DPP10: variants seen among roughly 807,000 people sequenced by gnomAD.
DPP10 encodes dipeptidyl peptidase like 10.
Under a neutral mutation model 120.9 loss-of-function variants are expected in DPP10, and 33 were observed. The observed-to-expected ratio is 0.27, with a 90% CI of 0.21 to 0.37. DPP10 has a LOEUF of 0.37. Among genes scored for constraint, DPP10 ranks in the 10% least tolerant of loss-of-function variants. The probability of loss-of-function intolerance (pLI) is 1.00; values close to 1 mark genes in which losing one functional copy is unlikely to be tolerated. For synonymous variants in DPP10, 337 were observed against 326.1 expected, an observed-to-expected ratio of 1.03 and a Z score of -0.36; for missense variants, 816 against 942.8, an observed-to-expected ratio of 0.87 and a Z score of 1.76.
At chr2:114,654,645 A>C (rs1467639056) in intron 1 of DPP10, among the ~76,000 whole-genome samples, 1 of 152,144 alleles carries the variant, frequency 6.6e-6, no homozygotes, top group East Asian at 1.9e-4. Flanking sequence ...TAAGATTATG[A>C]CTTTTTTTTT....
chr2:115,095,140 A>T (rs545203738), intron 1 of DPP10, among the ~76,000 whole-genome samples: 2 of 152,350 alleles, frequency 1.3e-5, no homozygotes, highest in South Asian at 4.1e-4. Context: ...TGTGAGTTAA[A>T]TTAAACAATT....
At chr2:115,039,752 ATTGTGACGCACTCT>A in intron 1 of DPP10, among the ~76,000 whole-genome samples, 1 of 152,280 alleles carries the variant, frequency 6.6e-6, no homozygotes, top group South Asian at 2.1e-4. Context: ...ACAATAATTA[ATTGTGACGCACTCT>A]ACCCACAAAG....
intron 1 of DPP10, among the ~76,000 whole-genome samples, chr2:115,172,678 T>G (rs954954565): frequency 6.6e-6 from 1 of 152,190 alleles, no homozygotes; most frequent in Non-Finnish European, 1.5e-5. Context: ...TTTGCAGAAC[T>G]GTTGTGAGGA....
chr2:115,520,543 T>C (rs1291069399), intron 4 of DPP10, among the ~76,000 whole-genome samples: 3 of 151,884 alleles, frequency 2.0e-5, no homozygotes, highest in African/African-American at 7.3e-5. Context: ...AATAGAGATG[T>C]CTTTAGATAT....
chr2:114,743,410 G>C (rs1294576212), intron 1 of DPP10, among the ~76,000 whole-genome samples: 7 of 84,580 alleles, frequency 8.3e-5, no homozygotes, highest in Non-Finnish European at 2.2e-5. Context: ...CCATACCCTT[G>C]CATGGAAATA....
chr2:115,616,916 G>C (rs971909085), intron 5 of DPP10, among the ~76,000 whole-genome samples: 1 of 151,908 alleles, frequency 6.6e-6, no homozygotes, highest in African/African-American at 2.4e-5. Context: ...GGAAACCACC[G>C]TTGAAAGCTT....
rs2086696043 is a variant in DPP10, at chr2:115,640,498, TA to T, written c.442-49188del. Among the ~76,000 whole-genome samples the T allele has an allele frequency of 2.0e-5, 3 of 152,128 alleles. No individual in the cohort carries two copies. In the South Asian group the frequency reaches 6.2e-4, roughly 32 times the overall value. Reference sequence around the variant, plus strand: ...AAAAAAACGACATCTTGATCTCGTTTATATGGAATTAATTTTACAGTTAATA... The same window carrying T: ...AAAAAAACGACATCTTGATCTCGTTTTATGGAATTAATTTTACAGTTAATA... On this transcript the variant is annotated intron_variant, in intron 5 of 25. Transcript: ENST00000410059.
intron 1 of DPP10, among the ~76,000 whole-genome samples, chr2:114,905,468 A>T (rs956571433): frequency 6.6e-6 from 1 of 151,838 alleles, no homozygotes. Flanking sequence ...TTTTTAGTTT[A>T]TTTTATTGTA....
intron 1 of DPP10, among the ~76,000 whole-genome samples, chr2:114,643,937 T>TA (rs1558960942): frequency 2.8e-3 from 306 of 108,998 alleles, no homozygotes; most frequent in East Asian, 0.012. Context: ...ATATATATAT[T>TA]TTTTTTTTTT....
At chr2:115,322,853 C>T (rs1260848805) in intron 2 of DPP10, among the ~76,000 whole-genome samples, 1 of 152,036 alleles carries the variant, frequency 6.6e-6, no homozygotes, top group Non-Finnish European at 1.5e-5. Context: ...AATGAACAGA[C>T]CTTAAATAAA....
chr2:115,013,230 A>T (rs1001959539), intron 1 of DPP10, among the ~76,000 whole-genome samples: 19 of 151,950 alleles, frequency 1.3e-4, no homozygotes, highest in Non-Finnish European at 2.2e-4. Context: ...TCTGTAAAGG[A>T]TTTTATTTTT....
intron 1 of DPP10, among the ~76,000 whole-genome samples, chr2:115,147,678 T>C (rs2051306555): frequency 1.3e-5 from 2 of 152,012 alleles, no homozygotes; most frequent in South Asian, 4.2e-4. Context: ...GACCCAAAAA[T>C]ATAAGAATAT....
chr2:114,868,721 A>C (rs924351034), intron 1 of DPP10, among the ~76,000 whole-genome samples: 13 of 152,190 alleles, frequency 8.5e-5, no homozygotes, highest in Admixed American at 2.0e-4. Context: ...CAGGAATTTC[A>C]GGGACGCTTG....
chr2:115,533,031 T>A (rs554850087), intron 5 of DPP10, among the ~76,000 whole-genome samples: 1 of 152,156 alleles, frequency 6.6e-6, no homozygotes, highest in East Asian at 1.9e-4. Context: ...ATCAATTTTT[T>A]TAAAATTTTT....
intron 1 of DPP10, among the ~76,000 whole-genome samples, chr2:114,821,910 C>T (rs1292418524): frequency 1.3e-5 from 2 of 152,190 alleles, no homozygotes; most frequent in African/African-American, 4.8e-5. Flanking sequence ...TACAGCTCCC[C>T]TCTTGGCTGC....
At chr2:115,599,405 T>G (rs977714750) in intron 5 of DPP10, among the ~76,000 whole-genome samples, 1 of 152,170 alleles carries the variant, frequency 6.6e-6, no homozygotes, top group Non-Finnish European at 1.5e-5. Flanking sequence ...GTGAAATTTA[T>G]TGACAGATTT....
chr2:115,615,408 A>C (rs558612171), intron 5 of DPP10, among the ~76,000 whole-genome samples: 5 of 152,304 alleles, frequency 3.3e-5, no homozygotes, highest in Admixed American at 3.3e-4. Context: ...CATTCGATGG[A>C]CTTACTATAA....
chr2:115,346,204 A>T (rs1291156307), intron 3 of DPP10, among the ~76,000 whole-genome samples: 1 of 152,196 alleles, frequency 6.6e-6, no homozygotes, highest in Non-Finnish European at 1.5e-5. Context: ...ATTCAATGGG[A>T]AATATATGAG....
chr2:114,839,046 A>G lies in DPP10; in HGVS notation c.60+396208A>G, dbSNP rs551832369. Among the ~76,000 whole-genome samples, 8 of 152,258 alleles carry G rather than the reference A, an allele frequency of 5.3e-5. No homozygotes were observed. In the South Asian group the frequency reaches 1.7e-3, roughly 32 times the overall value. On this transcript the variant is annotated intron_variant, in intron 1 of 25. Coordinates refer to ENST00000410059, the MANE Select transcript of DPP10 (RefSeq NM_020868.6). ...ACTATAATGCCTCTTACATGATCTA[A>G]TTATAGAATTTTGACAAGTACACTA...
Sources: allele counts gnomAD v4.1 joint callset (sites outside exome capture counted in the v4.1 genomes callset), GRCh38; gene constraint gnomAD v4.1.1; transcripts MANE v1.5; gene names NCBI Gene and HGNC (gene_info 2026-07-23, HGNC 2026-07-21).